Variants in ELF4 observed in about 807,000 individuals in gnomAD.
ELF4 encodes E74 like ETS transcription factor 4.
ELF4 carries 10 observed loss-of-function variants against 31.7 expected under a neutral mutation model. The ratio of observed to expected loss-of-function variants is 0.32; its 90% CI spans 0.19 to 0.54. ELF4 has a LOEUF of 0.54. Ranked by LOEUF, ELF4 falls within the 20% of genes least tolerant of loss-of-function variation. The pLI, the probability that ELF4 is intolerant of heterozygous loss-of-function variation, is 0.95. For missense variants in ELF4, 418 were observed against 522.0 expected, an observed-to-expected ratio of 0.80 and a Z score of 1.94; for synonymous variants, 208 against 226.7, an observed-to-expected ratio of 0.92 and a Z score of 0.74.
intron 1 of ELF4, among the ~76,000 whole-genome samples, chrX:130,095,041 T>A: frequency 9.0e-6 from 1 of 111,283 alleles, no homozygotes; most frequent in Non-Finnish European, 1.9e-5. Flanking sequence ...GGGGCGTGGG[T>A]GCTTGTGTAA....
chrX:130,111,563 G>A (rs1933490541), upstream of ELF4, among the ~76,000 whole-genome samples: 2 of 112,274 alleles, frequency 1.8e-5, no homozygotes, highest in African/African-American at 6.5e-5. Context: ...GGAGAGTTTC[G>A]GCGACTTCTT....
At chrX:130,094,918 C>T (rs1157454372) in intron 1 of ELF4, among the ~76,000 whole-genome samples, 1 of 111,282 alleles carries the variant, frequency 9.0e-6, no homozygotes, top group Non-Finnish European at 1.9e-5. Context: ...GAGGTTGGTG[C>T]CAGCTCAGGG....
rs1482436756 is a variant in ELF4, at chrX:130,072,274, C to T, written c.484G>A (p.Ala162Thr). The change falls in exon 5 of 9, where the codon GCC (alanine) becomes ACC (threonine). Residue 162 changes from alanine to threonine, a missense_variant. Coordinates refer to ENST00000308167, the MANE Select transcript of ELF4 (RefSeq NM_001421.4). ...TTCTTGGCACTTTCCTCTCTGGAGG[C>T]CTTCTCCTCCAGAGAATGCCCCTCC... is the stretch of plus-strand genomic sequence containing the variant. The part of the protein sequence containing the change: ...DQEGHSLEEK[A>T]SREESAKKTG... 1.6e-6 allele frequency: 2 copies of T among 1,212,241 alleles called. No homozygotes were observed. The highest frequency in any genetic ancestry group is 1.8e-5 in the South Asian group (1 of 57,033).
At chrX:130,085,818 C>A (rs1460409747) in intron 1 of ELF4, among the ~76,000 whole-genome samples, 1 of 111,509 alleles carries the variant, frequency 9.0e-6, no homozygotes, top group African/African-American at 3.3e-5. Flanking sequence ...ACTCCCTCAA[C>A]ACCCCTCCCC....
In ELF4 at chrX:130,074,033, TG is replaced by T. The variant is rs1297355635; in HGVS notation, c.340+15del. 3.3e-6 allele frequency: 4 copies of T among 1,206,610 alleles called. No homozygotes were observed. The African/African-American group carries it at 5.2e-5, about 16-fold the overall frequency. ...ATTTTGTTGCCTTGAGTTCAGGCACTGGGGTTCAAACTTACAGATCTGCTTC... is the reference window on the plus strand; with the variant it reads ...ATTTTGTTGCCTTGAGTTCAGGCACTGGGTTCAAACTTACAGATCTGCTTC... On this transcript the variant is annotated intron_variant, in intron 4 of 8. Transcript: ENST00000308167.
Position 130,081,484 on chromosome X carries a change from G to A in ELF4, c.-154C>T, listed in dbSNP as rs1389869648. On this transcript the variant is annotated 5_prime_UTR_variant, in exon 2 of 9. Transcript: ENST00000308167. ...GGGGTGGAGAGAGCTGGAGTAGGTG[G>A]TGGCCTAAGCCAGGCTCAAGGCTGC... 4 of 599,892 alleles carry A rather than the reference G, an allele frequency of 6.7e-6. No homozygotes were observed. Among genetic ancestry groups the A allele is most frequent in the Non-Finnish European group, 1.1e-5 (4 of 365,856 alleles). 49.4% of individuals were successfully genotyped at this position (599,892 alleles called of 1,213,427 possible). A position where few individuals can be genotyped will look rare whatever the true frequency, so the allele number is the denominator to read the frequency against.
At chrX:130,069,171 C>G (rs1306230776) in intron 8 of ELF4, 129 bp downstream of exon 8, 12 of 912,717 alleles carry the variant, frequency 1.3e-5, no homozygotes, top group Non-Finnish European at 1.9e-5. Context: ...TTGCAGTGAG[C>G]AGACATCATG....
intron 8 of ELF4, 71 bp from the exon 9 acceptor site, chrX:130,067,596 G>A (rs1427225220): frequency 1.6e-5 from 16 of 1,008,861 alleles, no homozygotes; most frequent in Admixed American, 2.2e-5. Context: ...AGGAGGGCAC[G>A]AGAGGAATGG....
chrX:130,081,287 G>A lies in ELF4; in HGVS notation c.44C>T (p.Ala15Val). 1 of 1,212,174 alleles carries A rather than the reference G, an allele frequency of 8.2e-7. No individual in the cohort carries two copies. Among genetic ancestry groups the A allele is most frequent in the South Asian group, 1.8e-5 (1 of 57,030 alleles). Residue 15 changes from alanine to valine, a missense_variant, in exon 2 of 9, where the codon GCA becomes GTA. By Grantham distance (64) the Ala-to-Val change is moderately conservative (BLOSUM62 0). Coordinates refer to ENST00000308167, the MANE Select transcript of ELF4 (RefSeq NM_001421.4). ...LQPSDLIFEF[A>V]SNGMDDDIHQ... ...GATATCATCATCCATCCCGTTGCTT[G>A]CGAACTCAAAGATCAGGTCACTGGG...
At chrX:130,076,248 C>T (rs765176926) in intron 2 of ELF4, among the ~76,000 whole-genome samples, 2 of 110,928 alleles carry the variant, frequency 1.8e-5, no homozygotes, top group African/African-American at 6.5e-5. Flanking sequence ...ATAGAGGCTG[C>T]ATGTGGTGGC....
intron 1 of ELF4, among the ~76,000 whole-genome samples, chrX:130,102,300 A>C (rs1933275664): frequency 8.9e-6 from 1 of 112,677 alleles, no homozygotes; most frequent in Non-Finnish European, 1.9e-5. Flanking sequence ...AACTTCAAAC[A>C]AAAGCAAAGT....
At chrX:130,095,424 C>T (rs1004004885) in intron 1 of ELF4, among the ~76,000 whole-genome samples, 4 of 112,320 alleles carry the variant, frequency 3.6e-5, no homozygotes, top group African/African-American at 9.7e-5. Flanking sequence ...AAACTGGGGC[C>T]GGTGTGACCT....
chrX:130,110,284 C>G (rs1933456553), intron 1 of ELF4, 41 bp downstream of exon 1: 1 of 109,682 alleles, frequency 9.1e-6, no homozygotes. Flanking sequence ...CAAACTTTTC[C>G]ACGTCCCCCA....
chrX:130,103,356 A>G (rs1326894561), intron 1 of ELF4, among the ~76,000 whole-genome samples: 1 of 112,652 alleles, frequency 8.9e-6, no homozygotes, highest in Non-Finnish European at 1.9e-5. Context: ...CAAACAATTC[A>G]GTTTAAAAAT....
Position 130,067,248 on chromosome X carries a change from G to T in ELF4, c.1465C>A (p.Leu489Ile). The T allele has an allele frequency of 5.8e-6, 7 of 1,212,324 alleles. No homozygotes were observed. Among genetic ancestry groups the T allele is most frequent in the Non-Finnish European group, 7.8e-6 (7 of 895,547 alleles). ...GTCGGACGGTTGGCCCCAGCCAGAA[G>T]TTGGGGGAGGCCACTGAGAATCAGT... ...APLILSGLPQ[L>I]LAGANRPTNP... The change falls in exon 9 of 9, where the codon CTT (leucine) becomes ATT (isoleucine). Residue 489 changes from leucine (L) to isoleucine (I), a missense_variant. Around this residue, in one of 4 missense-constraint regions of ELF4, gnomAD observed 260 missense variants for 269.2 expected, o/e 0.97. Transcript: ENST00000308167.
intron 1 of ELF4, among the ~76,000 whole-genome samples, chrX:130,107,859 G>A (rs939532296): frequency 4.4e-5 from 5 of 112,724 alleles, no homozygotes; most frequent in Admixed American, 2.8e-4. Context: ...AATTGACTGG[G>A]ATCACATAGC....
chrX:130,109,188 G>A (rs1933428612), intron 1 of ELF4, among the ~76,000 whole-genome samples: 1 of 111,946 alleles, frequency 8.9e-6, no homozygotes, highest in African/African-American at 3.3e-5. Flanking sequence ...GCTGGCAGGG[G>A]GTGAGTCCCC....
chrX:130,096,536 T>G lies in ELF4; in HGVS notation c.-210+13789A>C, dbSNP rs748989780. 3.6e-5 allele frequency among the ~76,000 whole-genome samples: 4 copies of G among 112,234 alleles called. No homozygotes were observed. The East Asian group carries it at 1.1e-3, about 31-fold the overall frequency. Reference sequence around the variant, plus strand: ...GATTCTGGTGATGGATGTACAACTCTGAGAATAGATTAAAAACTACTGAAG... The same window carrying G: ...GATTCTGGTGATGGATGTACAACTCGGAGAATAGATTAAAAACTACTGAAG... On this transcript the variant is annotated intron_variant, in intron 1 of 8. Transcript: ENST00000308167.
chrX:130,068,032 G>A (rs779982023), intron 8 of ELF4, among the ~76,000 whole-genome samples: 1 of 111,545 alleles, frequency 9.0e-6, no homozygotes, highest in Admixed American at 9.5e-5. Flanking sequence ...GGCTGGTCTT[G>A]AACTCCTGAC....
Sources: allele counts gnomAD v4.1 joint callset (sites outside exome capture counted in the v4.1 genomes callset), GRCh38; gene constraint gnomAD v4.1.1; regional missense constraint gnomAD v4.1.1; transcripts MANE v1.5; gene names NCBI Gene and HGNC (gene_info 2026-07-23, HGNC 2026-07-21).